The following TACC2 variants were observed in gnomAD, a reference collection of about 807,000 sequenced individuals.
TACC2 encodes transforming acidic coiled-coil-containing protein 2.
TACC2 carries 137 observed loss-of-function variants against 227.3 expected under a neutral mutation model. That is an observed-to-expected ratio of 0.60 (90% CI 0.52 to 0.69). TACC2 has a LOEUF of 0.69. Ranked by LOEUF, TACC2 falls within the 30% of genes least tolerant of loss-of-function variation. The pLI is 0.00. For synonymous variants in TACC2, 1,523 were observed against 1,487.5 expected (o/e 1.02, Z -0.55); for missense variants, 3,470 against 3,694.4 (o/e 0.94, Z 1.57).
chr10:122,133,857 T>G (rs2088927179), intron 6 of TACC2, among the ~76,000 whole-genome samples: 1 of 152,178 alleles, frequency 6.6e-6, no homozygotes, highest in South Asian at 2.1e-4. Context: ...TGGTCACCTG[T>G]AATCTCTGGA....
At chr10:122,168,205 A>G (rs1327119515) in intron 7 of TACC2, among the ~76,000 whole-genome samples, 1 of 152,068 alleles carries the variant, frequency 6.6e-6, no homozygotes, top group Non-Finnish European at 1.5e-5. Flanking sequence ...GCACCCAGCC[A>G]TAGATCTTTT....
rs201731830 is a variant in TACC2, at chr10:122,034,049, G to A, written c.33+12035G>A. ...CACCTGTAATCCCAGTTACTCAGGAGGCTGAGGCTGGAGAATTGCTTGAAT... is the reference window on the plus strand; with the variant it reads ...CACCTGTAATCCCAGTTACTCAGGAAGCTGAGGCTGGAGAATTGCTTGAAT... On this transcript the variant is annotated intron_variant, in intron 2 of 22. Coordinates refer to ENST00000369005, the MANE Select transcript of TACC2 (RefSeq NM_206862.4). 2.0e-5 allele frequency among the ~76,000 whole-genome samples: 3 copies of A among 151,756 alleles called. No homozygotes were observed. The East Asian group carries it at 5.9e-4, about 30-fold the overall frequency.
At chr10:122,158,139 G>A (rs1224355420) in intron 7 of TACC2, among the ~76,000 whole-genome samples, 2 of 152,186 alleles carry the variant, frequency 1.3e-5, no homozygotes, top group Non-Finnish European at 2.9e-5. Flanking sequence ...TGTAATTCCA[G>A]CACTTTGGGA....
Position 122,249,538 on chromosome 10 carries a change from C to T in TACC2, c.8661-6C>T, listed in dbSNP as rs1304485334. 6.2e-7 allele frequency: 1 copy of T among 1,613,650 alleles called. No individual in the cohort carries two copies. The highest frequency in any genetic ancestry group is 1.7e-5 in the Admixed American group (1 of 59,980). ...AGTGATAATTCTGAGCTCCCTGTCT[C>T]CGCAGGGCCAATGCTGAGATTGCTC... On this transcript the variant is annotated splice_region_variant and splice_polypyrimidine_tract_variant and intron_variant, in intron 21 of 22. Coordinates refer to ENST00000369005, the MANE Select transcript of TACC2 (RefSeq NM_206862.4).
intron 5 of TACC2, among the ~76,000 whole-genome samples, chr10:122,101,178 A>G (rs1020400758): frequency 1.1e-5 from 1 of 88,076 alleles, no homozygotes; most frequent in Admixed American, 1.2e-4. Flanking sequence ...ATTGTAGGAC[A>G]TTTGTCATAT....
chr10:122,004,025 T>C (rs1954753724), intron 1 of TACC2, among the ~76,000 whole-genome samples: 1 of 151,730 alleles, frequency 6.6e-6, no homozygotes, highest in Non-Finnish European at 1.5e-5. Flanking sequence ...CCTAGCACTT[T>C]GGGAGGCCGA....
chr10:122,232,739 A>C (rs1402653032), intron 16 of TACC2, among the ~76,000 whole-genome samples: 1 of 152,196 alleles, frequency 6.6e-6, no homozygotes, highest in African/African-American at 2.4e-5. Context: ...GCCTGACCTC[A>C]AGTTGGTCCC....
chr10:121,992,089 C>T (rs142956386), intron 1 of TACC2, among the ~76,000 whole-genome samples: 18 of 152,254 alleles, frequency 1.2e-4, no homozygotes, highest in Admixed American at 2.0e-4. Flanking sequence ...AGATGAGATC[C>T]GGGTGGGGAC....
intron 3 of TACC2, among the ~76,000 whole-genome samples, chr10:122,069,977 A>G (rs1283769342): frequency 6.6e-6 from 1 of 152,176 alleles, no homozygotes; most frequent in Non-Finnish European, 1.5e-5. Flanking sequence ...GATGATCTTT[A>G]TGTCTTTGAC....
At chr10:122,221,407 A>T (rs181745203) in intron 11 of TACC2, among the ~76,000 whole-genome samples, 5 of 152,292 alleles carry the variant, frequency 3.3e-5, no homozygotes, top group African/African-American at 1.2e-4. Context: ...GTTGTTTTAG[A>T]TTCAGAAGTC....
chr10:122,096,186 C>T (rs1475012464), intron 5 of TACC2, among the ~76,000 whole-genome samples: 3 of 152,122 alleles, frequency 2.0e-5, no homozygotes, highest in Non-Finnish European at 2.9e-5. Context: ...CCCAGTAATG[C>T]GGATCAGCAG....
intron 3 of TACC2, among the ~76,000 whole-genome samples, chr10:122,054,752 G>A (rs1356804734): frequency 1.3e-5 from 2 of 152,074 alleles, no homozygotes; most frequent in Admixed American, 6.5e-5. Flanking sequence ...CTGAATTCCC[G>A]GCGCCTTTGG....
intron 2 of TACC2, among the ~76,000 whole-genome samples, chr10:122,048,519 A>C (rs2075318044): frequency 7.9e-6 from 1 of 127,348 alleles, no homozygotes; most frequent in South Asian, 2.4e-4. Context: ...CCTTTCCCCT[A>C]TTTGTTTCTG....
chr10:122,217,621 G>A (rs1357340743), intron 11 of TACC2, among the ~76,000 whole-genome samples: 1 of 151,698 alleles, frequency 6.6e-6, no homozygotes, highest in Non-Finnish European at 1.5e-5. Context: ...TGTATTTTTA[G>A]TAGAAACGGG....
chr10:122,248,369 G>A (rs1446968575), intron 19 of TACC2: 1 of 392,268 alleles, frequency 2.5e-6, no homozygotes, highest in African/African-American at 2.0e-5. Context: ...GACCTGTGAA[G>A]GGGCCGTACT....
chr10:122,104,322 ATCTT>A (rs1314099259), intron 5 of TACC2, among the ~76,000 whole-genome samples: 6 of 151,894 alleles, frequency 4.0e-5, no homozygotes, highest in African/African-American at 7.3e-5. Flanking sequence ...TCTACTTACT[ATCTT>A]TCTATCTACT....
rs1046759357 is a variant in TACC2 at position 122,180,275 on chromosome 10, C to A, written c.5835-14765C>A. The stretch of plus-strand genomic sequence containing the variant: ...TCCTTGAACCTGCCACCCTCCTTCC[C>A]CCTCCCACCTCAGGGCTCTTCATCT... On this transcript the variant is annotated intron_variant, in intron 7 of 22. Coordinates refer to ENST00000369005, the MANE Select transcript of TACC2 (RefSeq NM_206862.4). This position sits in a 1 kb window ranked among gnomAD's most constrained non-coding sequence, Gnocchi z 4.5. Among the ~76,000 whole-genome samples the A allele has an allele frequency of 6.6e-6, 1 of 152,072 alleles. No homozygotes were observed. The highest frequency in any genetic ancestry group is 1.5e-5 in the Non-Finnish European group (1 of 68,010).
chr10:122,219,010 A>C (rs1210575356), intron 11 of TACC2, among the ~76,000 whole-genome samples: 7 of 89,542 alleles, frequency 7.8e-5, no homozygotes, highest in East Asian at 4.1e-4. Flanking sequence ...TGACAGTGAG[A>C]CTCGTCTCAA....
chr10:122,108,418 A>G (rs1053377418), intron 5 of TACC2, among the ~76,000 whole-genome samples: 2 of 143,124 alleles, frequency 1.4e-5, no homozygotes, highest in African/African-American at 2.6e-5. Flanking sequence ...GTGTGTGTAT[A>G]TATATATGTG....
Sources: gnomAD v4.1 joint callset for allele counts (sites outside exome capture counted in the v4.1 genomes callset) on GRCh38, gnomAD v4.1.1 for gene constraint, Gnocchi (gnomAD v3.1) non-coding constraint, MANE v1.5 for transcripts, NCBI Gene and HGNC (gene_info 2026-07-23, HGNC 2026-07-21) for gene names.